The following C3orf52 variants were observed in gnomAD, a reference collection of about 807,000 sequenced individuals.
C3orf52 encodes the protein chromosome 3 open reading frame 52.
In C3orf52, 22 loss-of-function variants were observed where a neutral mutation model predicts 24.8. The observed-to-expected ratio is 0.89, with a 90% CI of 0.63 to 1.27. The LOEUF is 1.27. Among genes scored for constraint, C3orf52 ranks in the 50% most tolerant of loss-of-function variants. C3orf52 has a pLI of 0.00. For synonymous variants in C3orf52, 93 were observed against 100.2 expected, an observed-to-expected ratio of 0.93 and a Z score of 0.43; for missense variants, 265 against 260.7, an observed-to-expected ratio of 1.02 and a Z score of -0.11.
downstream of C3orf52, chr3:112,133,399 C>T: frequency 2.5e-6 from 1 of 395,824 alleles, no homozygotes; most frequent in Non-Finnish European, 4.6e-6. Flanking sequence ...GAGCTTCGAA[C>T]CTCTGGGGAA....
At chr3:112,107,458 A>G (rs1469779923) in intron 3 of C3orf52, among the ~76,000 whole-genome samples, 1 of 152,222 alleles carries the variant, frequency 6.6e-6, no homozygotes, top group Non-Finnish European at 1.5e-5. Flanking sequence ...ATTGGGGCTT[A>G]AGAGCTGTAC....
Position 112,086,533 on chromosome 3 carries a change from C to G in C3orf52, c.126C>G (p.Val42=), listed in dbSNP as rs756105032. 13 of 1,549,588 alleles carry G rather than the reference C, an allele frequency of 8.4e-6. No homozygotes were observed. In the South Asian group the frequency reaches 1.6e-4, roughly 18 times the overall value. Residue 42 remains valine, a synonymous_variant, in exon 1 of 6, where the codon GTC becomes GTG. Transcript: ENST00000264848. ...DKVFPSLDEE[V]PPAEANKESP... ...TCTTCCCTTCTTTGGACGAGGAGGT[C>G]CCCCCGGCCGAGGTAAGGTCCCCTT... is the stretch of plus-strand genomic sequence containing the variant.
downstream of C3orf52, among the ~76,000 whole-genome samples, chr3:112,118,564 G>C (rs1487000128): frequency 6.6e-6 from 1 of 152,176 alleles, no homozygotes; most frequent in Non-Finnish European, 1.5e-5. Flanking sequence ...CTTGGGTTTT[G>C]ACCATTTGCA....
intron 2 of C3orf52, among the ~76,000 whole-genome samples, chr3:112,095,610 A>T (rs1383166684): frequency 6.6e-6 from 1 of 152,236 alleles, no homozygotes; most frequent in Non-Finnish European, 1.5e-5. Flanking sequence ...GAATTTTTTT[A>T]ACACTTGTAG....
At chr3:112,127,513 C>T (rs529279892) in intron 4 of C3orf52, among the ~76,000 whole-genome samples, 2 of 152,196 alleles carry the variant, frequency 1.3e-5, no homozygotes, top group Non-Finnish European at 2.9e-5. Flanking sequence ...AGCCCACTAT[C>T]GTTTCAGTAG....
At chr3:112,094,961 C>T (rs186488830) in intron 2 of C3orf52, among the ~76,000 whole-genome samples, 81 of 152,274 alleles carry the variant, frequency 5.3e-4, no homozygotes, top group Admixed American at 8.5e-4. Flanking sequence ...AGGGAGTTCT[C>T]AGGAATTTTC....
chr3:112,132,591 T>C, downstream of C3orf52: 13 of 940,762 alleles, frequency 1.4e-5, no homozygotes, highest in Non-Finnish European at 1.5e-5. Context: ...GTCCAGAAAG[T>C]AAATCTGAGT....
At chr3:112,129,179 C>G (rs985196399), downstream of C3orf52, 1 of 151,956 alleles carries the variant, frequency 6.6e-6, no homozygotes, top group Non-Finnish European at 1.5e-5. Context: ...AAGGAAACAT[C>G]GTAAGAAAAC....
At chr3:112,113,211 T>C (rs2074103395) in intron 5 of C3orf52, 66 bp downstream of exon 5, 1 of 1,374,296 alleles carries the variant, frequency 7.3e-7, no homozygotes, top group Non-Finnish European at 9.9e-7. Context: ...TGGGGTCAAA[T>C]TGGCTTGGTT....
intron 1 of C3orf52, among the ~76,000 whole-genome samples, chr3:112,087,966 T>C (rs1160176080): frequency 1.3e-5 from 2 of 152,248 alleles, no homozygotes; most frequent in African/African-American, 4.8e-5. Context: ...GGGAATGCCT[T>C]GTTGAAAACA....
downstream of C3orf52, among the ~76,000 whole-genome samples, chr3:112,120,058 G>A (rs751239220): frequency 3.3e-5 from 5 of 152,206 alleles, no homozygotes; most frequent in Admixed American, 1.3e-4. Context: ...GAGAGGGAGG[G>A]CCCTCAGACT....
At chr3:112,115,385 T>C (rs376900085) in intron 5 of C3orf52, among the ~76,000 whole-genome samples, 1 of 152,076 alleles carries the variant, frequency 6.6e-6, no homozygotes, top group African/African-American at 2.4e-5. Flanking sequence ...CCAAGAGGGA[T>C]GGAATGAGTT....
intron 1 of C3orf52, among the ~76,000 whole-genome samples, chr3:112,092,782 C>G (rs943537377): frequency 6.6e-6 from 1 of 152,132 alleles, no homozygotes; most frequent in Non-Finnish European, 1.5e-5. Flanking sequence ...CTTCCCAACC[C>G]TTTTTTACAT....
At chr3:112,131,454 A>G (rs982672832), downstream of C3orf52, among the ~76,000 whole-genome samples, 6 of 152,124 alleles carry the variant, frequency 3.9e-5, no homozygotes, top group East Asian at 1.9e-4. Flanking sequence ...TATATACAAG[A>G]CTTTTGAATA....
intron 1 of C3orf52, 91 bp downstream of exon 1, chr3:112,086,636 C>T (rs1438157543): frequency 6.8e-7 from 1 of 1,460,204 alleles, no homozygotes; most frequent in East Asian, 2.5e-5. Flanking sequence ...GGTTTCCAGT[C>T]AGGCGGGGCG....
chr3:112,109,956 T>C (rs1354373383), intron 4 of C3orf52: 3 of 227,574 alleles, frequency 1.3e-5, no homozygotes, highest in African/African-American at 6.8e-5. Flanking sequence ...CGTGCTGTGA[T>C]GCGAGTGATA....
intron 5 of C3orf52, among the ~76,000 whole-genome samples, chr3:112,114,659 G>A (rs1275553565): frequency 1.3e-5 from 2 of 151,986 alleles, no homozygotes; most frequent in African/African-American, 2.4e-5. Context: ...AGCCGAGATC[G>A]CATCATTGCA....
At chr3:112,100,587 T>A (rs2073963890) in intron 2 of C3orf52, among the ~76,000 whole-genome samples, 1 of 152,234 alleles carries the variant, frequency 6.6e-6, no homozygotes, top group South Asian at 2.1e-4. Context: ...CTCAGTGTCC[T>A]TGAGTTTAGC....
downstream of C3orf52, chr3:112,121,404 T>C (rs1036356176): frequency 6.6e-6 from 1 of 152,234 alleles, no homozygotes; most frequent in Admixed American, 6.5e-5. Context: ...CTCTTTGATA[T>C]CATTTATTCG....
Sources: gnomAD v4.1 joint callset for allele counts (sites outside exome capture counted in the v4.1 genomes callset) on GRCh38, gnomAD v4.1.1 for gene constraint, MANE v1.5 for transcripts, NCBI Gene and HGNC (gene_info 2026-07-23, HGNC 2026-07-21) for gene names.